The following USH2A variants were observed in gnomAD, a reference collection of about 807,000 sequenced individuals.
The protein encoded by USH2A is Usher syndrome 2A (autosomal recessive, mild).
USH2A carries 443 observed loss-of-function variants against 538.9 expected under a neutral mutation model. That is an observed-to-expected ratio of 0.82 (90% CI 0.76 to 0.89). The LOEUF is 0.89. Among genes scored for constraint, USH2A ranks in the 40% least tolerant of loss-of-function variants. The pLI is 0.00. For missense variants in USH2A, 6,633 were observed against 6,324.8 expected, an observed-to-expected ratio of 1.05 and a Z score of -1.65; for synonymous variants, 2,413 against 2,273.5, an observed-to-expected ratio of 1.06 and a Z score of -1.75.
At chr1:215,658,754 C>G (rs143381298) in intron 64 of USH2A, among the ~76,000 whole-genome samples, 1 of 152,330 alleles carries the variant, frequency 6.6e-6, no homozygotes, top group Admixed American at 6.5e-5. Flanking sequence ...TTGCATATTA[C>G]ACAGAAGCAA....
intron 11 of USH2A, among the ~76,000 whole-genome samples, chr1:216,273,511 A>G (rs2036613441): frequency 6.6e-6 from 1 of 152,106 alleles, no homozygotes; most frequent in Non-Finnish European, 1.5e-5. Context: ...GTTTATTTAA[A>G]CATAATAATA....
intron 3 of USH2A, 21 bp downstream of exon 3, chr1:216,418,493 A>C: frequency 1.2e-6 from 2 of 1,611,422 alleles, no homozygotes; most frequent in Non-Finnish European, 1.7e-6. Context: ...CCAAATGTTA[A>C]ATATTTTTTA....
chr1:215,889,098 G>A, intron 40 of USH2A, 44 bp from the exon 41 acceptor site: 1 of 1,605,836 alleles, frequency 6.2e-7, no homozygotes, highest in African/African-American at 1.3e-5. Flanking sequence ...TCTTGGAAAT[G>A]TCCCACCTCT....
intron 21 of USH2A, among the ~76,000 whole-genome samples, chr1:216,163,064 T>C (rs1037943623): frequency 6.6e-6 from 1 of 151,970 alleles, no homozygotes; most frequent in African/African-American, 2.4e-5. Context: ...TGTGTGCAAC[T>C]CAGTTCATTT....
chr1:216,422,499 G>C lies in USH2A; in HGVS notation c.-163C>G. The stretch of plus-strand genomic sequence containing the variant: ...GTTCTCAGAGTAAGGTAATACCAAC[G>C]ACGTTCTTAGCAATGGCGAAGACAT... On this transcript the variant is annotated 5_prime_UTR_variant, in exon 2 of 72. Transcript: ENST00000307340. The C allele has an allele frequency of 2.0e-6, 2 of 984,194 alleles. No individual in the cohort carries two copies. The highest frequency in any genetic ancestry group is 1.5e-6 in the Non-Finnish European group (1 of 672,962). 61.0% of individuals were successfully genotyped at this position (984,194 alleles called of 1,614,324 possible).
At chr1:216,171,018 C>CT (rs1250006958) in intron 21 of USH2A, among the ~76,000 whole-genome samples, 1 of 151,148 alleles carries the variant, frequency 6.6e-6, no homozygotes, top group Non-Finnish European at 1.5e-5. Context: ...TAATTTTCTG[C>CT]TTTTTTTATA....
At chr1:216,094,533 CAG>C (rs1473229797) in intron 22 of USH2A, among the ~76,000 whole-genome samples, 1 of 152,104 alleles carries the variant, frequency 6.6e-6, no homozygotes, top group African/African-American at 2.4e-5. Flanking sequence ...CACTGTAAAA[CAG>C]AGTTCTAGTC....
At chr1:216,226,036 A>G (rs1327389040) in intron 14 of USH2A, among the ~76,000 whole-genome samples, 2 of 152,322 alleles carry the variant, frequency 1.3e-5, no homozygotes, top group Non-Finnish European at 2.9e-5. Context: ...AAAGAGTTAG[A>G]AAACAAATAA....
intron 14 of USH2A, among the ~76,000 whole-genome samples, chr1:216,219,447 T>A (rs2035410265): frequency 6.6e-6 from 1 of 152,070 alleles, no homozygotes; most frequent in Non-Finnish European, 1.5e-5. Flanking sequence ...CACTCAAATA[T>A]AATTTTAAAC....
chr1:216,046,485 A>G lies in USH2A; in HGVS notation c.6271T>C (p.Tyr2091His). The G allele has an allele frequency of 2.5e-6, 4 of 1,613,836 alleles. No individual in the cohort carries two copies. The highest frequency in any genetic ancestry group is 3.4e-6 in the Non-Finnish European group (4 of 1,179,788). Reference sequence around the variant, plus strand: ...GAATAGATCAGCCTCCCATCCATGTATAAACAGTACTGAGTTATAATACCA... The same window carrying G: ...GAATAGATCAGCCTCCCATCCATGTGTAAACAGTACTGAGTTATAATACCA... ...ANGIITQYCL[Y>H]MDGRLIYSGS... Residue 2091 changes from tyrosine to histidine, a missense_variant, in exon 32 of 72, where the codon TAC (tyrosine) becomes CAC (histidine). By Grantham distance (83) the Tyr-to-His change is moderately conservative. Transcript: ENST00000307340.
At chr1:215,789,953 T>C (rs1661933166) in intron 51 of USH2A, 106 bp downstream of exon 51, 1 of 1,036,884 alleles carries the variant, frequency 9.6e-7, no homozygotes, top group South Asian at 1.4e-5. Context: ...AAATGAATAA[T>C]GCACACAGGA....
intron 68 of USH2A, 68 bp downstream of exon 68, chr1:215,640,490 A>G: frequency 6.3e-7 from 1 of 1,599,914 alleles, no homozygotes; most frequent in Non-Finnish European, 8.6e-7. Context: ...CAGCTTTCAG[A>G]TTTAGCATCC....
Position 215,878,039 on chromosome 1 carries a change from GT to G in USH2A, c.8559-160del, listed in dbSNP as rs373566549. ...TTACGTGGTTTTGTTTCAGATGAACGTTTTTTTTTCTGGACCAAATTCCATA... is the reference window on the plus strand; with the variant it reads ...TTACGTGGTTTTGTTTCAGATGAACGTTTTTTTTCTGGACCAAATTCCATA... On this transcript the variant is annotated intron_variant, in intron 42 of 71. Coordinates refer to ENST00000307340, the MANE Select transcript of USH2A (RefSeq NM_206933.4). 7.9e-3 allele frequency among the ~76,000 whole-genome samples: 1,180 copies of G among 149,994 alleles called. 17 individuals are homozygous for G. Among genetic ancestry groups the G allele is most frequent in the African/African-American group, 0.027 (1,112 of 40,956 alleles).
intron 50 of USH2A, among the ~76,000 whole-genome samples, chr1:215,794,021 G>A (rs1662051155): frequency 6.6e-6 from 1 of 151,938 alleles, no homozygotes; most frequent in Non-Finnish European, 1.5e-5. Flanking sequence ...GTAATAAATA[G>A]GTTTAAAATC....
intron 60 of USH2A, among the ~76,000 whole-genome samples, chr1:215,731,095 T>A (rs1367425584): frequency 1.3e-5 from 2 of 152,236 alleles, no homozygotes; most frequent in Admixed American, 1.3e-4. Context: ...TTTATTAAAC[T>A]CTCACGAATT....
chr1:215,903,919 T>C (rs190934883), intron 38 of USH2A, among the ~76,000 whole-genome samples: 58 of 152,250 alleles, frequency 3.8e-4, no homozygotes, highest in Admixed American at 8.5e-4. Context: ...TTGAAGGACA[T>C]TCATTGCTAA....
chr1:216,136,869 C>T (rs892878559), intron 21 of USH2A, among the ~76,000 whole-genome samples: 6 of 152,176 alleles, frequency 3.9e-5, no homozygotes, highest in African/African-American at 1.4e-4. Context: ...GGAACAGATT[C>T]TTCCTCACAG....
intron 58 of USH2A, 104 bp from the exon 59 acceptor site, chr1:215,743,439 TATATATAAATAAATATATATA>T (rs1295571631): frequency 1.5e-5 from 5 of 327,468 alleles, no homozygotes; most frequent in African/African-American, 1.2e-4. Context: ...GACACACATA[TATATATAAATAAATATATATA>T]GACACACATA....
At chr1:216,040,222 T>C (rs773349241) in intron 32 of USH2A, among the ~76,000 whole-genome samples, 14 of 152,028 alleles carry the variant, frequency 9.2e-5, no homozygotes, top group South Asian at 4.1e-4. Flanking sequence ...TATTTAACTA[T>C]AAGATGACTA....
Sources: gnomAD v4.1 joint callset for allele counts (sites outside exome capture counted in the v4.1 genomes callset) on GRCh38, gnomAD v4.1.1 for gene constraint, MANE v1.5 for transcripts, NCBI Gene and HGNC (gene_info 2026-07-23, HGNC 2026-07-21) for gene names.